Variants in CFAP251 observed in about 807,000 individuals in gnomAD.
CFAP251 encodes the protein cilia- and flagella-associated protein 251.
Under a neutral mutation model 126.7 loss-of-function variants are expected in CFAP251, and 93 were observed. The ratio of observed to expected loss-of-function variants is 0.73; its 90% confidence interval spans 0.62 to 0.87. The LOEUF (loss-of-function observed/expected upper bound fraction) is 0.87, where lower values mean the gene tolerates loss of function less well. Among genes scored for constraint, CFAP251 ranks in the 40% least tolerant of loss-of-function variants. CFAP251 has a pLI of 0.00. For missense variants in CFAP251, 1,287 were observed against 1,389.2 expected, an observed-to-expected ratio of 0.93 and a Z score of 1.17; for synonymous variants, 503 against 506.9, an observed-to-expected ratio of 0.99 and a Z score of 0.10.
chr12:121,952,240 T>TAAAAAAAAAAAAAAAAAAAAAAA (rs558861973), intron 9 of CFAP251, among the ~76,000 whole-genome samples: 1 of 92,100 alleles, frequency 1.1e-5, no homozygotes, highest in African/African-American at 6.2e-5. Context: ...TCGTTTCTAC[T>TAAAAAAAAAAAAAAAAAAAAAAA]AAAAAAAAAA....
chr12:121,977,565 C>T (rs892398233), intron 19 of CFAP251, among the ~76,000 whole-genome samples: 1 of 151,360 alleles, frequency 6.6e-6, no homozygotes, highest in African/African-American at 2.4e-5. Context: ...GAGGCTGAGG[C>T]AAGAGAATCG....
intron 10 of CFAP251, among the ~76,000 whole-genome samples, chr12:121,954,636 T>TAAACAAA (rs1881651755): frequency 2.4e-5 from 1 of 41,980 alleles, no homozygotes; most frequent in Non-Finnish European, 4.0e-5. Flanking sequence ...CCTCCTGTCT[T>TAAACAAA]AAAAAAAAAA....
At chr12:121,943,399 TTTTG>T (rs1381271454) in intron 7 of CFAP251, among the ~76,000 whole-genome samples, 6 of 152,042 alleles carry the variant, frequency 3.9e-5, no homozygotes, top group African/African-American at 1.4e-4. Context: ...AGTAGAGTGT[TTTTG>T]TTTGTTTGTT....
At chr12:121,963,595 A>G (rs1169072) in intron 15 of CFAP251, among the ~76,000 whole-genome samples, 90,007 of 148,900 alleles carry the variant, frequency 0.6, 28,823 homozygotes, top group African/African-American at 0.81. Flanking sequence ...CTAGAGTGGC[A>G]TCTCCTCCCT....
intron 13 of CFAP251, among the ~76,000 whole-genome samples, chr12:121,960,267 A>G (rs923915269): frequency 6.6e-6 from 1 of 152,118 alleles, no homozygotes; most frequent in Non-Finnish European, 1.5e-5. Context: ...TCTGTTGTAC[A>G]GGCTGAAGTG....
intron 18 of CFAP251, 58 bp from the exon 19 acceptor site, chr12:121,975,484 T>C: frequency 6.3e-7 from 1 of 1,598,440 alleles, no homozygotes. Context: ...GAAGTGTTCA[T>C]GGATGCTTCA....
chr12:121,928,377 G>A (rs1880500778), intron 3 of CFAP251, among the ~76,000 whole-genome samples: 1 of 151,920 alleles, frequency 6.6e-6, no homozygotes, highest in Admixed American at 6.6e-5. Flanking sequence ...TAGGGAATGA[G>A]CAGATGGAAA....
At chr12:121,981,451 C>T (rs1233188207) in intron 19 of CFAP251, among the ~76,000 whole-genome samples, 1 of 152,202 alleles carries the variant, frequency 6.6e-6, no homozygotes, top group Non-Finnish European at 1.5e-5. Flanking sequence ...ACACCCCACA[C>T]TCCTGCATAT....
At chr12:121,947,536 G>A (rs926421495) in intron 7 of CFAP251, 3 of 152,184 alleles carry the variant, frequency 2.0e-5, no homozygotes, top group African/African-American at 7.3e-5. Flanking sequence ...CTGGCCTCAA[G>A]CGATCCTCCT....
At chr12:121,975,391 A>G (rs997915873) in intron 18 of CFAP251, 57 bp downstream of exon 18, 38 of 1,583,226 alleles carry the variant, frequency 2.4e-5, no homozygotes, top group Admixed American at 3.4e-5. Flanking sequence ...TTGTAAAGCA[A>G]ATGTGCCCAG....
In CFAP251 at chr12:121,958,390, T is replaced by C; in HGVS notation, c.1849T>C (p.Tyr617His). The change falls in exon 12 of 22, where the codon TAT becomes CAT. Residue 617 changes from tyrosine (Y) to histidine (H), a missense_variant. Transcript: ENST00000288912. ...DAICAISCHPYQPLIAIGSIC... is the reference protein window; with the variant it reads ...DAICAISCHPHQPLIAIGSIC... ...CATTTGTGCCATCTCCTGCCACCCA[T>C]ATCAACCCCTCATTGCCATCGGGAG... 6.2e-7 allele frequency: 1 copy of C among 1,614,228 alleles called. No homozygotes were observed. The highest frequency in any genetic ancestry group is 8.5e-7 in the Non-Finnish European group (1 of 1,180,036).
In CFAP251 at chr12:121,923,933, C is replaced by T. The variant is rs199861707; in HGVS notation, c.690C>T (p.Ser230=). Residue 230 remains serine (S), a synonymous_variant, in exon 3 of 22, where the codon TCC becomes TCT. Transcript: ENST00000288912. ...GGATCTCCCGGGAGTCACTGGTGTCCAGCACCACAGAGGACATTCTGTTTC... is the reference window on the plus strand; with the variant it reads ...GGATCTCCCGGGAGTCACTGGTGTCTAGCACCACAGAGGACATTCTGTTTC... ...KAGISRESLV[S]STTEDILFQK... The T allele has an allele frequency of 1.7e-5, 28 of 1,614,032 alleles. No individual in the cohort carries two copies. In the African/African-American group the frequency reaches 3.5e-4, roughly 20 times the overall value.
At chr12:121,973,729 C>T (rs1882391212) in intron 17 of CFAP251, among the ~76,000 whole-genome samples, 1 of 152,218 alleles carries the variant, frequency 6.6e-6, no homozygotes, top group Non-Finnish European at 1.5e-5. Context: ...TTCAGACTTG[C>T]ATGAGGCCTG....
At chr12:121,979,255 T>A (rs1882554935) in intron 19 of CFAP251, among the ~76,000 whole-genome samples, 1 of 152,238 alleles carries the variant, frequency 6.6e-6, no homozygotes, top group South Asian at 2.1e-4. Flanking sequence ...ATGTGCATTT[T>A]GTCATAGCAC....
At chr12:121,932,477 CCCATTTGT>C (rs1880732563) in intron 4 of CFAP251, 1 of 152,626 alleles carries the variant, frequency 6.6e-6, no homozygotes, top group Non-Finnish European at 1.5e-5. Context: ...CTGAGCCTCC[CCCATTTGT>C]CCTTCATGCC....
chr12:121,981,997 C>T (rs1439122201), intron 19 of CFAP251, among the ~76,000 whole-genome samples: 2 of 152,188 alleles, frequency 1.3e-5, no homozygotes, highest in Non-Finnish European at 2.9e-5. Context: ...AAAATGTCAT[C>T]TGATATTTTT....
Position 121,934,326 on chromosome 12 carries a change from G to T in CFAP251, c.968G>T (p.Cys323Phe). Residue 323 changes from cysteine to phenylalanine, a missense_variant, in exon 5 of 22, where the codon TGC becomes TTC. Coordinates refer to ENST00000288912, the MANE Select transcript of CFAP251 (RefSeq NM_144668.6). The part of the protein sequence containing the change: ...WIATADKGPD[C>F]LVIIWDSFTG... ...GCCACAGCAGACAAAGGGCCAGACT[G>T]CCTGGTGATTATATGGGACTCCTTC... 1 of 1,614,084 alleles carries T rather than the reference G, an allele frequency of 6.2e-7. No individual in the cohort carries two copies. Among genetic ancestry groups the T allele is most frequent in the South Asian group, 1.1e-5 (1 of 91,058 alleles).
intron 3 of CFAP251, 91 bp downstream of exon 3, chr12:121,924,081 A>T: frequency 1.4e-6 from 2 of 1,388,598 alleles, no homozygotes; most frequent in Non-Finnish European, 9.7e-7. Context: ...AAAGAATACC[A>T]CCAGAAGGAT....
At chr12:121,956,758 A>G (rs1881740962) in intron 10 of CFAP251, among the ~76,000 whole-genome samples, 1 of 152,186 alleles carries the variant, frequency 6.6e-6, no homozygotes, top group Admixed American at 6.5e-5. Flanking sequence ...GGCCTCCCAA[A>G]GTGCTGGGAC....
Sources: allele counts gnomAD v4.1 joint callset (sites outside exome capture counted in the v4.1 genomes callset), GRCh38; gene constraint gnomAD v4.1.1; transcripts MANE v1.5; gene names NCBI Gene and HGNC (gene_info 2026-07-23, HGNC 2026-07-21).